SPRED1: variants seen among roughly 807,000 people sequenced by gnomAD.
The protein encoded by SPRED1 is sprouty related EVH1 domain containing 1.
SPRED1 carries 18 observed loss-of-function variants against 52.3 expected under a neutral mutation model. That is an observed-to-expected ratio of 0.34 (90% CI 0.24 to 0.51). SPRED1 has a LOEUF of 0.51. Ranked by LOEUF, SPRED1 falls within the 20% of genes least tolerant of loss-of-function variation. SPRED1 has a pLI of 0.97. For synonymous variants in SPRED1, 155 were observed against 179.7 expected, an observed-to-expected ratio of 0.86 and a Z score of 1.10; for missense variants, 485 against 551.0, an observed-to-expected ratio of 0.88 and a Z score of 1.20.
chr15:38,274,210 A>G (rs192695615), intron 1 of SPRED1, among the ~76,000 whole-genome samples: 35 of 152,310 alleles, frequency 2.3e-4, no homozygotes, highest in Middle Eastern at 3.4e-3. Context: ...GTAGAAGTTT[A>G]AGCACCCTTG....
chr15:38,281,681 G>A (rs1894692331), intron 1 of SPRED1, among the ~76,000 whole-genome samples: 1 of 148,002 alleles, frequency 6.8e-6, no homozygotes, highest in South Asian at 2.2e-4. Context: ...TTAGGCATAA[G>A]CTACCGTGCC....
At chr15:38,346,313 C>CA (rs59137914) in intron 5 of SPRED1, among the ~76,000 whole-genome samples, 14,389 of 147,138 alleles carry the variant, frequency 0.098, 764 homozygotes, top group East Asian at 0.21. Context: ...GACCTTGTCT[C>CA]AAAAAAAAAA....
intron 2 of SPRED1, among the ~76,000 whole-genome samples, chr15:38,301,061 A>G (rs1895140597): frequency 1.3e-5 from 2 of 152,180 alleles, no homozygotes; most frequent in African/African-American, 4.8e-5. Context: ...TCGAAAAATT[A>G]TAAGAACAAG....
At position 38,351,016 on chromosome 15, in the gene SPRED1, C is replaced by T. The variant is rs376226762; in HGVS notation, c.687C>T (p.Val229=). The T allele has an allele frequency of 2.5e-6, 4 of 1,612,376 alleles. No individual in the cohort carries two copies. Among genetic ancestry groups the T allele is most frequent in the East Asian group, 2.2e-5 (1 of 44,818 alleles). Residue 229 remains valine, a splice_region_variant and synonymous_variant, in exon 7 of 7, where the codon GTC becomes GTT. Coordinates refer to ENST00000299084, the MANE Select transcript of SPRED1 (RefSeq NM_152594.3). ...GTTTTTATCTGTTTCTTTTTTAGGT[C>T]CCTTTGAAATCAATCAGACATGTCA... The part of the protein sequence containing the change: ...ECGSLKSQNR[V]PLKSIRHVSF...
intron 5 of SPRED1, among the ~76,000 whole-genome samples, chr15:38,342,678 A>ACTC (rs1386323259): frequency 6.6e-6 from 1 of 152,084 alleles, no homozygotes; most frequent in Non-Finnish European, 1.5e-5. Context: ...TACCATTGAG[A>ACTC]AGAAGTTTCT....
In SPRED1 at chr15:38,299,421, A is replaced by C; in HGVS notation, c.81A>C (p.Ser27=). The part of the protein sequence containing the change: ...VRAVVMTRDD[S]SGGWLPLGGS... ...CTGTGGTGATGACCCGAGATGACTCAAGTGGTGGATGGTTACCACTTGGAG... is the reference window on the plus strand; with the variant it reads ...CTGTGGTGATGACCCGAGATGACTCCAGTGGTGGATGGTTACCACTTGGAG... The change falls in exon 2 of 7, where the codon TCA becomes TCC. Residue 27 remains serine, a synonymous_variant. Coordinates refer to ENST00000299084, the MANE Select transcript of SPRED1 (RefSeq NM_152594.3). 1.2e-6 allele frequency: 2 copies of C among 1,613,988 alleles called. No individual in the cohort carries two copies. Among genetic ancestry groups the C allele is most frequent in the South Asian group, 2.2e-5 (2 of 91,080 alleles).
chr15:38,324,869 T>G, intron 4 of SPRED1, 60 bp downstream of exon 4: 2 of 1,329,640 alleles, frequency 1.5e-6, no homozygotes, highest in Non-Finnish European at 2.2e-6. Flanking sequence ...ATCACTAGCC[T>G]TATTCAATAA....
Position 38,274,335 on chromosome 15 carries a change from C to G in SPRED1, c.32+21118C>G, listed in dbSNP as rs377181354. Among the ~76,000 whole-genome samples the G allele has an allele frequency of 5.3e-5, 8 of 152,180 alleles. No homozygotes were observed. The East Asian group carries it at 5.8e-4, about 11-fold the overall frequency. On this transcript the variant is annotated intron_variant, in intron 1 of 6. Coordinates refer to ENST00000299084, the MANE Select transcript of SPRED1 (RefSeq NM_152594.3). Reference sequence around the variant, plus strand: ...ACTGCCAACAGGAAGTGTCAGGTATCTTGCAGCACCAGAGTCGGAAATGAT... The same window carrying G: ...ACTGCCAACAGGAAGTGTCAGGTATGTTGCAGCACCAGAGTCGGAAATGAT...
At chr15:38,294,542 A>G (rs1200366932) in intron 1 of SPRED1, among the ~76,000 whole-genome samples, 2 of 152,166 alleles carry the variant, frequency 1.3e-5, no homozygotes, top group Non-Finnish European at 2.9e-5. Context: ...TTTAGCCTGG[A>G]GGTCAGAAAT....
intron 2 of SPRED1, among the ~76,000 whole-genome samples, chr15:38,314,662 C>G (rs552708479): frequency 1.3e-4 from 19 of 151,898 alleles, no homozygotes; most frequent in Non-Finnish European, 5.9e-5. Context: ...TACTGGTGTT[C>G]CAGTTACTAT....
At chr15:38,328,175 G>A (rs1017667685) in intron 4 of SPRED1, among the ~76,000 whole-genome samples, 10 of 152,110 alleles carry the variant, frequency 6.6e-5, no homozygotes, top group African/African-American at 2.4e-4. Context: ...TACTTCATTG[G>A]CAATTGTTTG....
At chr15:38,310,506 T>A (rs1466739728) in intron 2 of SPRED1, among the ~76,000 whole-genome samples, 2 of 152,178 alleles carry the variant, frequency 1.3e-5, no homozygotes, top group African/African-American at 4.8e-5. Context: ...GGGGTTTTGA[T>A]AGGAATTGTA....
chr15:38,253,562 C>T (rs1284761142), intron 1 of SPRED1, among the ~76,000 whole-genome samples: 1 of 152,114 alleles, frequency 6.6e-6, no homozygotes, highest in Non-Finnish European at 1.5e-5. Flanking sequence ...TACCAGTCAC[C>T]ATACCTTCAG....
intron 4 of SPRED1, among the ~76,000 whole-genome samples, chr15:38,329,223 AG>A (rs1895764986): frequency 6.6e-6 from 1 of 152,178 alleles, no homozygotes; most frequent in Non-Finnish European, 1.5e-5. Flanking sequence ...GGCAGAAGAA[AG>A]ATGAGATCTG....
intron 1 of SPRED1, among the ~76,000 whole-genome samples, chr15:38,295,528 T>C (rs1895018585): frequency 6.6e-6 from 1 of 152,188 alleles, no homozygotes; most frequent in Admixed American, 6.5e-5. Context: ...GGAAACGTTA[T>C]TATGCAACAC....
At chr15:38,328,541 T>C (rs1198510429) in intron 4 of SPRED1, among the ~76,000 whole-genome samples, 1 of 152,210 alleles carries the variant, frequency 6.6e-6, no homozygotes, top group Non-Finnish European at 1.5e-5. Context: ...ATCTTTCTTA[T>C]CTTTTATTCC....
chr15:38,296,940 C>G (rs1306328006), intron 1 of SPRED1, among the ~76,000 whole-genome samples: 1 of 152,054 alleles, frequency 6.6e-6, no homozygotes. Flanking sequence ...CTGAGGGTGC[C>G]CATCGCTTTT....
In SPRED1 at chr15:38,287,634, G is replaced by T. The variant is rs545059769; in HGVS notation, c.33-11739G>T. On this transcript the variant is annotated intron_variant, in intron 1 of 6. Transcript: ENST00000299084. ...CTGTGAATTGAGCCAGCTACAGATT[G>T]AAAATATTTGAAAAAAATTGCATCT... Among the ~76,000 whole-genome samples the T allele has an allele frequency of 1.8e-4, 28 of 152,144 alleles. No individual in the cohort carries two copies. In the South Asian group the frequency reaches 5.6e-3, roughly 30 times the overall value.
At chr15:38,273,728 G>T (rs1894489202) in intron 1 of SPRED1, among the ~76,000 whole-genome samples, 1 of 152,070 alleles carries the variant, frequency 6.6e-6, no homozygotes, top group Non-Finnish European at 1.5e-5. Context: ...TCTGGCATGA[G>T]ATGTATGAGA....
Sources: gnomAD v4.1 joint callset for allele counts (sites outside exome capture counted in the v4.1 genomes callset) on GRCh38, gnomAD v4.1.1 for gene constraint, MANE v1.5 for transcripts, NCBI Gene and HGNC (gene_info 2026-07-23, HGNC 2026-07-21) for gene names.